The following FRMD5 variants were observed in gnomAD, a reference collection of about 807,000 sequenced individuals.
FRMD5 encodes FERM domain containing 5, also known as FERM domain-containing protein 5.
Under a neutral mutation model 69.0 loss-of-function variants are expected in FRMD5, and 20 were observed. The ratio of observed to expected loss-of-function variants is 0.29; its 90% confidence interval spans 0.20 to 0.42. FRMD5 has a LOEUF of 0.42. Ranked by LOEUF, FRMD5 falls within the 10% of genes least tolerant of loss-of-function variation. FRMD5 has a pLI of 1.00. For missense variants in FRMD5, 595 were observed against 708.6 expected, an observed-to-expected ratio of 0.84 and a Z score of 1.82; for synonymous variants, 271 against 260.1, an observed-to-expected ratio of 1.04 and a Z score of -0.40.
chr15:43,973,566 C>A (rs905200605), intron 1 of FRMD5, among the ~76,000 whole-genome samples: 1 of 151,822 alleles, frequency 6.6e-6, no homozygotes, highest in Non-Finnish European at 1.5e-5. Context: ...CGGGGTTTCA[C>A]CATGTTGGTC....
intron 1 of FRMD5, among the ~76,000 whole-genome samples, chr15:44,089,220 G>C (rs1272496575): frequency 1.3e-5 from 2 of 152,134 alleles, no homozygotes; most frequent in Non-Finnish European, 1.5e-5. Flanking sequence ...TCTACAGCAT[G>C]AATGTACTTT....
intron 1 of FRMD5, among the ~76,000 whole-genome samples, chr15:44,057,842 G>A (rs546793862): frequency 7.9e-5 from 12 of 152,294 alleles, no homozygotes; most frequent in African/African-American, 2.2e-4. Flanking sequence ...CATGACTGCT[G>A]GGTCCCTTCC....
At chr15:44,176,113 T>C (rs1490620576) in intron 1 of FRMD5, among the ~76,000 whole-genome samples, 1 of 152,212 alleles carries the variant, frequency 6.6e-6, no homozygotes, top group African/African-American at 2.4e-5. Context: ...GGTGAACTCA[T>C]ACTTCCCAAC....
intron 1 of FRMD5, among the ~76,000 whole-genome samples, chr15:44,013,225 C>A (rs1890804123): frequency 6.6e-6 from 1 of 152,134 alleles, no homozygotes; most frequent in Admixed American, 6.5e-5. Flanking sequence ...CCTATCTTTA[C>A]AAAAACATTT....
At chr15:44,118,633 T>G (rs761781526) in intron 1 of FRMD5, among the ~76,000 whole-genome samples, 2 of 152,214 alleles carry the variant, frequency 1.3e-5, no homozygotes, top group African/African-American at 2.4e-5. Context: ...TTACTTCTCT[T>G]TTTAAAATTC....
chr15:43,975,461 G>T (rs1407355104), intron 1 of FRMD5, among the ~76,000 whole-genome samples: 1 of 152,288 alleles, frequency 6.6e-6, no homozygotes, highest in South Asian at 2.1e-4. Context: ...CAATAGAGAA[G>T]AGGAAACCTG....
intron 1 of FRMD5, among the ~76,000 whole-genome samples, chr15:44,089,712 G>T (rs1296596904): frequency 6.6e-6 from 1 of 151,800 alleles, no homozygotes; most frequent in Non-Finnish European, 1.5e-5. Flanking sequence ...CAAAAAAAAA[G>T]TTGGTCACTT....
At chr15:43,876,940 A>G (rs1236380903) in intron 13 of FRMD5, among the ~76,000 whole-genome samples, 1 of 152,156 alleles carries the variant, frequency 6.6e-6, no homozygotes, top group Non-Finnish European at 1.5e-5. Flanking sequence ...ACTACCCATT[A>G]TCTCTTCTCT....
chr15:44,118,149 G>T (rs887749961), intron 1 of FRMD5, among the ~76,000 whole-genome samples: 1 of 151,998 alleles, frequency 6.6e-6, no homozygotes, highest in Non-Finnish European at 1.5e-5. Context: ...AATTAAGGAA[G>T]TAATTATGAA....
intron 1 of FRMD5, among the ~76,000 whole-genome samples, chr15:44,027,639 G>GTTTTT (rs767882395): frequency 1.1e-4 from 3 of 27,046 alleles, no homozygotes; most frequent in African/African-American, 1.2e-4. Flanking sequence ...TTCTTTTCTA[G>GTTTTT]TTTTTTTTTT....
At chr15:43,997,231 C>CT (rs1188433250) in intron 1 of FRMD5, among the ~76,000 whole-genome samples, 2 of 152,168 alleles carry the variant, frequency 1.3e-5, no homozygotes, top group African/African-American at 4.8e-5. Flanking sequence ...TCACAATACT[C>CT]TAACTACTAT....
chr15:44,091,907 C>T (rs2076478964), intron 1 of FRMD5, among the ~76,000 whole-genome samples: 1 of 151,930 alleles, frequency 6.6e-6, no homozygotes, highest in Non-Finnish European at 1.5e-5. Context: ...TACATAGTGC[C>T]TATGTATGAA....
chr15:44,052,062 T>A (rs1002591688), intron 1 of FRMD5, among the ~76,000 whole-genome samples: 2 of 152,156 alleles, frequency 1.3e-5, no homozygotes, highest in African/African-American at 4.8e-5. Flanking sequence ...TGAGGAGTTG[T>A]GCTCCACCTC....
Position 43,892,066 on chromosome 15 carries a change from C to T in FRMD5, c.643G>A (p.Val215Met), listed in dbSNP as rs371288449. The change falls in exon 8 of 14, where the codon GTG becomes ATG. Residue 215 changes from valine (V) to methionine (M), a missense_variant. Transcript: ENST00000417257. ...YGVDPHPCKD[V>M]SGNAAFLAFT... ...GCCAGAAATGCAGCATTTCCTGACA[C>T]GTCCTGCAACACAGAAAGACTTCTC... 4.3e-6 allele frequency: 7 copies of T among 1,613,716 alleles called. No homozygotes were observed. Among genetic ancestry groups the T allele is most frequent in the East Asian group, 2.2e-5 (1 of 44,860 alleles).
intron 1 of FRMD5, chr15:44,063,460 G>A (rs1216947781): frequency 2.9e-5 from 6 of 207,618 alleles, no homozygotes; most frequent in Admixed American, 5.7e-5. Context: ...TGCTCCTCCC[G>A]TTTGACAACA....
intron 1 of FRMD5, among the ~76,000 whole-genome samples, chr15:44,115,563 T>C (rs1249397124): frequency 6.6e-6 from 1 of 152,134 alleles, no homozygotes; most frequent in Non-Finnish European, 1.5e-5. Context: ...ATATGTAAAA[T>C]AATAAAAACT....
intron 1 of FRMD5, among the ~76,000 whole-genome samples, chr15:44,092,271 T>A (rs1214253561): frequency 6.6e-6 from 1 of 152,134 alleles, no homozygotes; most frequent in Non-Finnish European, 1.5e-5. Context: ...CTAGCTCAGC[T>A]CAAAGGTCTT....
chr15:43,905,758 C>T (rs913482796), intron 6 of FRMD5, 70 bp downstream of exon 6: 34 of 1,586,974 alleles, frequency 2.1e-5, no homozygotes, highest in Middle Eastern at 2.2e-4. Context: ...ACAGAGGACA[C>T]GGCGTGGAGC....
chr15:44,103,606 C>A (rs879847954), intron 1 of FRMD5, among the ~76,000 whole-genome samples: 13 of 152,270 alleles, frequency 8.5e-5, no homozygotes, highest in African/African-American at 1.9e-4. Context: ...TAAGGTTGTG[C>A]GACCTTTGCC....
Sources: allele counts gnomAD v4.1 joint callset (sites outside exome capture counted in the v4.1 genomes callset), GRCh38; gene constraint gnomAD v4.1.1; transcripts MANE v1.5; gene names NCBI Gene and HGNC (gene_info 2026-07-23, HGNC 2026-07-21).